The following DPYS variants were observed in gnomAD, a reference collection of about 807,000 sequenced individuals.
DPYS encodes the protein dihydropyrimidinase.
A neutral mutation model predicts 50.3 loss-of-function variants in DPYS; 39 were observed. That is an observed-to-expected ratio of 0.78 (90% CI 0.60 to 1.01). The LOEUF (loss-of-function observed/expected upper bound fraction) is 1.01, where lower values mean the gene tolerates loss of function less well. DPYS is among the 50% of genes least tolerant of loss of function. The pLI is 0.00. For missense variants in DPYS, 659 were observed against 680.9 expected (o/e 0.97, Z 0.36); for synonymous variants, 245 against 250.7 (o/e 0.98, Z 0.22).
In DPYS at chr8:104,412,067, C is replaced by A. The variant is rs147536468; in HGVS notation, c.1235+12180G>T. 2.0e-3 allele frequency among the ~76,000 whole-genome samples: 298 copies of A among 152,326 alleles called. 1 individual carries two copies. The highest frequency in any genetic ancestry group is 5.3e-3 in the African/African-American group (219 of 41,574). ...TGTGCTCTCTGGGTTGCACAGGCCACTTTTTGGGGAGGGCACCAAGGAAGT... is the reference window on the plus strand; with the variant it reads ...TGTGCTCTCTGGGTTGCACAGGCCAATTTTTGGGGAGGGCACCAAGGAAGT... On this transcript the variant is annotated intron_variant, in intron 7 of 9. Coordinates refer to ENST00000351513, the MANE Select transcript of DPYS (RefSeq NM_001385.3).
At chr8:104,424,846 G>A (rs1280221467) in intron 6 of DPYS, among the ~76,000 whole-genome samples, 1 of 141,156 alleles carries the variant, frequency 7.1e-6, no homozygotes, top group Non-Finnish European at 1.5e-5. Context: ...TTTTTTTTGA[G>A]ATGGAATTTC....
intron 7 of DPYS, among the ~76,000 whole-genome samples, chr8:104,404,289 G>A (rs757280487): frequency 6.6e-5 from 10 of 152,136 alleles, no homozygotes; most frequent in Non-Finnish European, 1.0e-4. Flanking sequence ...CGCAGGGTCT[G>A]TAAGCTGTTT....
chr8:104,439,725 C>T (rs1194838079), intron 4 of DPYS, among the ~76,000 whole-genome samples: 1 of 152,136 alleles, frequency 6.6e-6, no homozygotes, highest in Non-Finnish European at 1.5e-5. Context: ...CTTGAGGTGG[C>T]AGTTAGCTAA....
intron 8 of DPYS, among the ~76,000 whole-genome samples, chr8:104,384,142 A>G (rs941987482): frequency 6.6e-6 from 1 of 152,066 alleles, no homozygotes; most frequent in Non-Finnish European, 1.5e-5. Context: ...GTGCACGGCC[A>G]CCTCAGAAAC....
intron 7 of DPYS, among the ~76,000 whole-genome samples, chr8:104,396,584 A>G (rs1316589742): frequency 1.3e-5 from 2 of 152,192 alleles, no homozygotes; most frequent in African/African-American, 4.8e-5. Context: ...CAATTATGTA[A>G]TATCAATGGA....
At position 104,396,677 on chromosome 8, in the gene DPYS, A is replaced by T. The variant is rs548213067; in HGVS notation, c.1236-3686T>A. Among the ~76,000 whole-genome samples the T allele has an allele frequency of 5.1e-4, 77 of 152,306 alleles. 3 individuals carry two copies. The South Asian group carries it at 0.016, about 31-fold the overall frequency. ...GGGCAAATACAAGAGGGAATATACA[A>T]AGTAGCTTTTTTTGTGGCTAAGAAA... On this transcript the variant is annotated intron_variant, in intron 7 of 9. Coordinates refer to ENST00000351513, the MANE Select transcript of DPYS (RefSeq NM_001385.3).
chr8:104,463,871 C>A (rs1315644293), intron 1 of DPYS, among the ~76,000 whole-genome samples: 1 of 152,170 alleles, frequency 6.6e-6, no homozygotes, highest in Admixed American at 6.5e-5. Flanking sequence ...TAATGCCTTT[C>A]TTTCAGAATT....
intron 3 of DPYS, among the ~76,000 whole-genome samples, chr8:104,444,666 TAA>T (rs1223641304): frequency 6.6e-6 from 1 of 152,170 alleles, no homozygotes; most frequent in Non-Finnish European, 1.5e-5. Flanking sequence ...TCTAATCATA[TAA>T]GTTAATTTTC....
intron 4 of DPYS, among the ~76,000 whole-genome samples, chr8:104,437,692 A>T (rs1813198387): frequency 6.6e-6 from 1 of 152,272 alleles, no homozygotes; most frequent in East Asian, 1.9e-4. Context: ...TGGAGTAGCC[A>T]TGCTTTTGTT....
intron 1 of DPYS, among the ~76,000 whole-genome samples, chr8:104,453,518 A>G (rs552765560): frequency 6.6e-6 from 1 of 152,354 alleles, no homozygotes; most frequent in South Asian, 2.1e-4. Context: ...TCAAGCTTAA[A>G]GAACTATTCT....
intron 1 of DPYS, among the ~76,000 whole-genome samples, chr8:104,463,511 G>A (rs1036809044): frequency 1.3e-5 from 2 of 152,164 alleles, no homozygotes; most frequent in Non-Finnish European, 2.9e-5. Context: ...CAGCTTTAGC[G>A]ACGGGGTCAG....
intron 1 of DPYS, 132 bp downstream of exon 1, chr8:104,466,525 G>C: frequency 1.9e-6 from 2 of 1,072,018 alleles, no homozygotes; most frequent in Middle Eastern, 3.2e-4. Flanking sequence ...CCGGGGCTGC[G>C]CTCCTTCCCG....
intron 1 of DPYS, among the ~76,000 whole-genome samples, chr8:104,462,225 G>A (rs1027771965): frequency 4.6e-5 from 7 of 152,084 alleles, no homozygotes; most frequent in Admixed American, 6.6e-5. Flanking sequence ...TCCTGAGAGA[G>A]GAAATTACTT....
At chr8:104,442,929 G>A (rs1462182859) in intron 4 of DPYS, among the ~76,000 whole-genome samples, 1 of 152,164 alleles carries the variant, frequency 6.6e-6, no homozygotes, top group Non-Finnish European at 1.5e-5. Flanking sequence ...GGGCATGGTG[G>A]CACATGCCTG....
At chr8:104,451,510 G>T in intron 1 of DPYS, 106 bp from the exon 2 acceptor site, 2 of 1,437,718 alleles carry the variant, frequency 1.4e-6, no homozygotes, top group Non-Finnish European at 1.9e-6. Context: ...AACTCGATGG[G>T]TCCAGGAAAT....
At chr8:104,389,662 G>C (rs1811327996) in intron 8 of DPYS, among the ~76,000 whole-genome samples, 1 of 151,758 alleles carries the variant, frequency 6.6e-6, no homozygotes, top group Non-Finnish European at 1.5e-5. Flanking sequence ...TAATCCTACT[G>C]AGACTCAGCT....
At chr8:104,380,793 G>A (rs2853149) in intron 9 of DPYS, 64,128 of 177,292 alleles carry the variant, frequency 0.36, 13,888 homozygotes, top group Non-Finnish European at 0.48. Flanking sequence ...TTAGAACACC[G>A]TTGTATTTAC....
intron 8 of DPYS, among the ~76,000 whole-genome samples, chr8:104,384,818 C>A (rs537236111): frequency 1.3e-5 from 2 of 152,166 alleles, no homozygotes; most frequent in Non-Finnish European, 2.9e-5. Context: ...GATGAGGAAA[C>A]AGAGTACTCT....
At chr8:104,430,316 G>A (rs973212078) in intron 4 of DPYS, among the ~76,000 whole-genome samples, 3 of 151,750 alleles carry the variant, frequency 2.0e-5, no homozygotes, top group South Asian at 2.1e-4. Flanking sequence ...AGATAATAAA[G>A]TCTTAGCCAG....
Sources: allele counts gnomAD v4.1 joint callset (sites outside exome capture counted in the v4.1 genomes callset), GRCh38; gene constraint gnomAD v4.1.1; transcripts MANE v1.5; gene names NCBI Gene and HGNC (gene_info 2026-07-23, HGNC 2026-07-21).